The following DNAJC7 variants were observed in gnomAD, a reference collection of about 807,000 sequenced individuals.
The protein encoded by DNAJC7 is dnaJ homolog subfamily C member 7.
In DNAJC7, 18 loss-of-function variants were observed where a neutral mutation model predicts 67.4. That is an observed-to-expected ratio of 0.27 (90% confidence interval 0.18 to 0.40). The LOEUF is 0.40. Ranked by LOEUF, DNAJC7 falls within the 10% of genes least tolerant of loss-of-function variation. DNAJC7 has a pLI of 1.00. For synonymous variants in DNAJC7, 220 were observed against 207.8 expected (o/e 1.06, Z -0.50); for missense variants, 419 against 613.8 (o/e 0.68, Z 3.35).
chr17:41,982,864 G>A (rs2051285605), intron 10 of DNAJC7, among the ~76,000 whole-genome samples: 1 of 151,884 alleles, frequency 6.6e-6, no homozygotes, highest in African/African-American at 2.4e-5. Context: ...GGAGGCTGAG[G>A]CAGGATAATT....
chr17:42,017,096 T>C, intron 1 of DNAJC7: 1 of 1,424,190 alleles, frequency 7.0e-7, no homozygotes, highest in East Asian at 2.6e-5. Context: ...ATAAGGACGA[T>C]CGTCCTCTCA....
intron 1 of DNAJC7, among the ~76,000 whole-genome samples, chr17:42,005,917 G>A (rs1346683150): frequency 1.4e-5 from 2 of 139,480 alleles, no homozygotes; most frequent in Non-Finnish European, 3.2e-5. Context: ...ATTTTTTTTT[G>A]AGAAAAGAGC....
intron 1 of DNAJC7, among the ~76,000 whole-genome samples, chr17:42,011,959 A>C (rs558554347): frequency 3.9e-4 from 59 of 152,352 alleles, no homozygotes; most frequent in Non-Finnish European, 7.3e-4. Context: ...AGAGAAATAA[A>C]AGGCAAAATC....
intron 5 of DNAJC7, 70 bp from the exon 6 acceptor site, chr17:41,990,452 T>A (rs1341731764): frequency 7.3e-7 from 1 of 1,368,194 alleles, no homozygotes; most frequent in Non-Finnish European, 1.0e-6. Flanking sequence ...TTTAGTTTAG[T>A]CACAGGTAAC....
chr17:42,004,661 T>A (rs1180371857), intron 1 of DNAJC7, among the ~76,000 whole-genome samples: 1 of 152,248 alleles, frequency 6.6e-6, no homozygotes, highest in Non-Finnish European at 1.5e-5. Context: ...CTGGAAGCCC[T>A]GGCCTTCAGA....
At chr17:41,991,072 G>C (rs1247983278) in intron 5 of DNAJC7, among the ~76,000 whole-genome samples, 1 of 152,084 alleles carries the variant, frequency 6.6e-6, no homozygotes, top group Non-Finnish European at 1.5e-5. Flanking sequence ...CAAAAAGGTG[G>C]GGATTAATTT....
At chr17:42,016,923 A>G in intron 1 of DNAJC7, 2 of 1,122,164 alleles carry the variant, frequency 1.8e-6, no homozygotes, top group South Asian at 3.9e-5. Flanking sequence ...TGAGGAGAGC[A>G]AAGGTTTTGG....
intron 1 of DNAJC7, among the ~76,000 whole-genome samples, chr17:42,007,513 CTTCT>C (rs2051998815): frequency 6.6e-6 from 1 of 152,070 alleles, no homozygotes; most frequent in South Asian, 2.1e-4. Flanking sequence ...CATTTAGATT[CTTCT>C]TTAAGAAAAA....
At chr17:42,012,084 G>C (rs903092369) in intron 1 of DNAJC7, among the ~76,000 whole-genome samples, 1 of 152,226 alleles carries the variant, frequency 6.6e-6, no homozygotes, top group African/African-American at 2.4e-5. Context: ...CAAGGAATCA[G>C]GTAAGGATGT....
At chr17:42,015,698 A>C (rs1390842108) in intron 1 of DNAJC7, 1 of 150,792 alleles carries the variant, frequency 6.6e-6, no homozygotes, top group Non-Finnish European at 1.5e-5. Flanking sequence ...CAAAAAAAAA[A>C]CAACAATTAG....
Position 41,987,890 on chromosome 17 carries a change from T to C in DNAJC7, c.939A>G (p.Ala313=), listed in dbSNP as rs1555647132. 1.2e-6 allele frequency: 2 copies of C among 1,611,604 alleles called. No individual in the cohort carries two copies. Among genetic ancestry groups the C allele is most frequent in the Non-Finnish European group, 8.5e-7 (1 of 1,179,028 alleles). Residue 313 remains alanine, a synonymous_variant, in exon 9 of 14, where the codon GCA becomes GCG. Transcript: ENST00000457167. The stretch of plus-strand genomic sequence containing the variant: ...TCACTGCATTTGTGCAGTCTTCTAT[T>C]GCATCATCTAGTTTCCTAAGCTTCA... The part of the protein sequence containing the change: ...VNSKLRKLDD[A]IEDCTNAVKL...
At chr17:41,994,402 A>G (rs1181746690) in intron 5 of DNAJC7, among the ~76,000 whole-genome samples, 2 of 150,482 alleles carry the variant, frequency 1.3e-5, no homozygotes, top group African/African-American at 4.9e-5. Context: ...GCCAGGTGTG[A>G]TGGCATGCGC....
intron 12 of DNAJC7, chr17:41,981,558 G>A (rs530701041): frequency 5.4e-4 from 157 of 288,684 alleles, no homozygotes; most frequent in African/African-American, 2.8e-3. Context: ...TCAAACTCCT[G>A]ACCTCAAGTG....
intron 1 of DNAJC7, among the ~76,000 whole-genome samples, chr17:42,005,802 G>A (rs1040816445): frequency 4.5e-4 from 68 of 152,066 alleles, no homozygotes; most frequent in African/African-American, 1.6e-3. Flanking sequence ...GTGCAGTGGC[G>A]CAATCTTGGC....
chr17:41,996,738 G>A (rs912868090), intron 3 of DNAJC7, among the ~76,000 whole-genome samples: 4 of 152,092 alleles, frequency 2.6e-5, no homozygotes, highest in East Asian at 3.9e-4. Flanking sequence ...AGCCGAGATC[G>A]CGCCACTGCA....
chr17:42,005,722 C>A (rs2051930329), intron 1 of DNAJC7, among the ~76,000 whole-genome samples: 1 of 152,090 alleles, frequency 6.6e-6, no homozygotes, highest in African/African-American at 2.4e-5. Context: ...AAAAAGCACA[C>A]CGCACTGTGG....
intron 2 of DNAJC7, among the ~76,000 whole-genome samples, chr17:41,999,895 T>C (rs1188899021): frequency 6.7e-6 from 1 of 150,132 alleles, no homozygotes; most frequent in African/African-American, 2.5e-5. Context: ...CTTGGCTCAC[T>C]GCAACTTCTA....
chr17:41,992,713 C>T (rs782044646), intron 5 of DNAJC7: 2 of 152,208 alleles, frequency 1.3e-5, no homozygotes, highest in Non-Finnish European at 2.9e-5. Flanking sequence ...TGACTAGGGA[C>T]AGCTGCAGGC....
rs1226410278 is a variant in DNAJC7, at chr17:42,007,593, G to A, written c.78-7023C>T. ...GGCCAGAGTGCAGTGGTGAGATCTC[G>A]GCTCACTGCAATCTTCACCTCCCAG... On this transcript the variant is annotated intron_variant, in intron 1 of 13. Coordinates refer to ENST00000457167, the MANE Select transcript of DNAJC7 (RefSeq NM_003315.4). Among the ~76,000 whole-genome samples the A allele has an allele frequency of 2.0e-5, 3 of 150,620 alleles. No individual in the cohort carries two copies. The South Asian group carries it at 6.3e-4, about 32-fold the overall frequency.
Sources: allele counts gnomAD v4.1 joint callset (sites outside exome capture counted in the v4.1 genomes callset), GRCh38; gene constraint gnomAD v4.1.1; transcripts MANE v1.5; gene names NCBI Gene and HGNC (gene_info 2026-07-23, HGNC 2026-07-21).